The following CARM1 variants were observed in gnomAD, a reference collection of about 807,000 sequenced individuals.
The protein encoded by CARM1 is histone-arginine methyltransferase CARM1.
In CARM1, 14 loss-of-function variants were observed where a neutral mutation model predicts 72.7. The ratio of observed to expected loss-of-function variants is 0.19; its 90% CI spans 0.13 to 0.30. The LOEUF (loss-of-function observed/expected upper bound fraction) is 0.30, where lower values mean the gene tolerates loss of function less well. CARM1 is among the 10% of genes least tolerant of loss of function. The probability of loss-of-function intolerance (pLI) is 1.00; values close to 1 mark genes in which losing one functional copy is unlikely to be tolerated. For missense variants in CARM1, 432 were observed against 833.7 expected (o/e 0.52, Z 5.93); for synonymous variants, 333 against 345.5 (o/e 0.96, Z 0.40).
At chr19:10,886,786 G>A (rs867054030) in intron 1 of CARM1, among the ~76,000 whole-genome samples, 3 of 151,792 alleles carry the variant, frequency 2.0e-5, no homozygotes, top group Admixed American at 6.6e-5. Context: ...AGCCGAGGTC[G>A]CTCCACTGCA....
chr19:10,909,019 C>T, intron 3 of CARM1, 84 bp from the exon 4 acceptor site: 3 of 1,028,710 alleles, frequency 2.9e-6, no homozygotes, highest in Non-Finnish European at 4.5e-6. Context: ...CTAGATGGCC[C>T]CTTGCTCTAT....
intron 1 of CARM1, among the ~76,000 whole-genome samples, chr19:10,888,976 C>G (rs537646654): frequency 3.7e-4 from 57 of 152,318 alleles, no homozygotes; most frequent in African/African-American, 1.4e-3. Context: ...GCTTAGGGAC[C>G]AGACCTTAGA....
chr19:10,890,795 A>ATTTTTTTTTTTTTTT (rs67421012), intron 1 of CARM1, among the ~76,000 whole-genome samples: 3 of 47,460 alleles, frequency 6.3e-5, no homozygotes, highest in African/African-American at 2.2e-4. Flanking sequence ...ATATATATAT[A>ATTTTTTTTTTTTTTT]TTTTTTTTTT....
intron 1 of CARM1, among the ~76,000 whole-genome samples, chr19:10,899,994 C>T (rs939587402): frequency 2.0e-4 from 31 of 152,076 alleles, no homozygotes; most frequent in Non-Finnish European, 8.8e-5. Flanking sequence ...GAATTACAGG[C>T]GTGAGCCACC....
chr19:10,883,538 G>A (rs2146306462), intron 1 of CARM1, among the ~76,000 whole-genome samples: 1 of 152,296 alleles, frequency 6.6e-6, no homozygotes, highest in Non-Finnish European at 1.5e-5. Flanking sequence ...AAAGTCCACG[G>A]TGCCGGCCCT....
chr19:10,900,657 T>C (rs1413279292), intron 1 of CARM1, among the ~76,000 whole-genome samples: 1 of 152,108 alleles, frequency 6.6e-6, no homozygotes, highest in Admixed American at 6.6e-5. Flanking sequence ...CATACGAGTG[T>C]CTGTTGGTTT....
At position 10,909,084 on chromosome 19, in the gene CARM1, C is replaced by A; in HGVS notation, c.454-19C>A. The A allele has an allele frequency of 1.3e-6, 2 of 1,590,492 alleles. No homozygotes were observed. Among genetic ancestry groups the A allele is most frequent in the Non-Finnish European group, 1.7e-6 (2 of 1,159,360 alleles). ...CGTGCCACCATGTGCCCCGTGCCAT[C>A]GGTATGTCTCTGTTCCAGTTTTATG... On this transcript the variant is annotated intron_variant, in intron 3 of 15. Transcript: ENST00000327064.
intron 1 of CARM1, among the ~76,000 whole-genome samples, chr19:10,890,153 G>A (rs2073970902): frequency 6.6e-6 from 1 of 152,188 alleles, no homozygotes; most frequent in South Asian, 2.1e-4. Flanking sequence ...TCAGGTGGCT[G>A]AGGCAGGTGG....
intron 1 of CARM1, among the ~76,000 whole-genome samples, chr19:10,890,698 TACAC>T (rs970780664): frequency 5.4e-5 from 8 of 146,840 alleles, no homozygotes; most frequent in South Asian, 4.3e-4. Context: ...CACACATATA[TACAC>T]ACACATATAT....
intron 2 of CARM1, among the ~76,000 whole-genome samples, chr19:10,905,287 C>T (rs551769132): frequency 1.3e-5 from 2 of 152,352 alleles, no homozygotes; most frequent in African/African-American, 4.8e-5. Flanking sequence ...CCGGCTCCTC[C>T]GGGTCTTTTG....
intron 1 of CARM1, among the ~76,000 whole-genome samples, chr19:10,899,691 CGTCAGTTAGGAACA>C (rs1279351794): frequency 6.6e-6 from 1 of 151,544 alleles, no homozygotes; most frequent in Non-Finnish European, 1.5e-5. Context: ...TACCTGGACT[CGTCAGTTAGGAACA>C]GTTTTCTTTT....
At chr19:10,906,741 A>G (rs542899278) in intron 2 of CARM1, among the ~76,000 whole-genome samples, 4 of 152,256 alleles carry the variant, frequency 2.6e-5, no homozygotes, top group Non-Finnish European at 4.4e-5. Context: ...CTAGGATTAC[A>G]TGCGTGAGCA....
In CARM1 at chr19:10,921,873, T is replaced by C; in HGVS notation, c.*116T>C. ...AAGCTCGAACACCCGGTCACAGCTC[T>C]CTTTGCTATGGGAACTGGGACACTT... is the stretch of plus-strand genomic sequence containing the variant. On this transcript the variant is annotated 3_prime_UTR_variant, in exon 16 of 16. Transcript: ENST00000327064. 1 of 1,042,032 alleles carries C rather than the reference T, an allele frequency of 9.6e-7. No homozygotes were observed. Among genetic ancestry groups the C allele is most frequent in the African/African-American group, 1.6e-5 (1 of 61,780 alleles). 64.5% of individuals were successfully genotyped at this position (1,042,032 alleles called of 1,614,324 possible).
rs916545755 is a variant in CARM1, at chr19:10,921,883, G to A, written c.*126G>A. 3.0e-5 allele frequency: 29 copies of A among 953,506 alleles called. No homozygotes were observed. The highest frequency in any genetic ancestry group is 2.5e-4 in the Middle Eastern group (1 of 3,958). The allele number at this position is 953,506 out of a possible 1,614,324, so 59.1% of individuals were successfully genotyped here. A position where few individuals can be genotyped will look rare whatever the true frequency, so the allele number is the denominator to read the frequency against. ...ACCCGGTCACAGCTCTCTTTGCTAT[G>A]GGAACTGGGACACTTTTTTACACGA... is the stretch of plus-strand genomic sequence containing the variant. On this transcript the variant is annotated 3_prime_UTR_variant, in exon 16 of 16. Transcript: ENST00000327064.
At position 10,896,675 on chromosome 19, in the gene CARM1, CT is replaced by C. The variant is rs969397836; in HGVS notation, c.221-8275del. On this transcript the variant is annotated intron_variant, in intron 1 of 15. Coordinates refer to ENST00000327064, the MANE Select transcript of CARM1 (RefSeq NM_199141.2). The surrounding 1 kb of genome is among the most constrained non-coding windows in gnomAD (Gnocchi z 5.2). ...GCTCACCACACTGTCTGGGCCACCC[CT>C]GTTTCCCTGCGTTCCTGCACTCTTC... Among the ~76,000 whole-genome samples, 5 of 152,294 alleles carry C rather than the reference CT, an allele frequency of 3.3e-5. No individual in the cohort carries two copies. The highest frequency in any genetic ancestry group is 6.5e-5 in the Admixed American group (1 of 15,298).
rs1180477038 is a variant in CARM1 at position 10,890,274 on chromosome 19, T to TG, written c.221-14677_221-14676insG. Among the ~76,000 whole-genome samples the TG allele has an allele frequency of 2.3e-3, 345 of 150,696 alleles. 2 individuals carry two copies. The highest frequency in any genetic ancestry group is 7.7e-3 in the African/African-American group (318 of 41,270). On this transcript the variant is annotated intron_variant, in intron 1 of 15. Coordinates refer to ENST00000327064, the MANE Select transcript of CARM1 (RefSeq NM_199141.2). ...TTTTGTTTTTTGTTTTGTTTGTTTT[T>TG]TTTTTTTTTTGAGACAGAGTTTCGC...
At chr19:10,917,909 G>C (rs908455619) in intron 8 of CARM1, among the ~76,000 whole-genome samples, 1 of 151,742 alleles carries the variant, frequency 6.6e-6, no homozygotes, top group Non-Finnish European at 1.5e-5. Context: ...ATGGGGTTTC[G>C]CCATGTTGGC....
chr19:10,921,330 G>A lies in CARM1; in HGVS notation c.1616-45G>A, dbSNP rs201598798. ...GTGCATGGGCTGGGTGGCTGGGGGC[G>A]GTGACGCCGTCTCCCTTCCTTCTTT... is the stretch of plus-strand genomic sequence containing the variant. On this transcript the variant is annotated intron_variant, in intron 14 of 15. Transcript: ENST00000327064. 5.1e-5 allele frequency: 82 copies of A among 1,602,708 alleles called. No individual in the cohort carries two copies. In the Admixed American group the frequency reaches 1.0e-3, roughly 20 times the overall value.
At chr19:10,903,898 C>A (rs779170130) in intron 1 of CARM1, among the ~76,000 whole-genome samples, 7 of 152,180 alleles carry the variant, frequency 4.6e-5, no homozygotes, top group South Asian at 4.1e-4. Context: ...GAGATGGGGT[C>A]TTGCTATGCT....
Sources: gnomAD v4.1 joint callset for allele counts (sites outside exome capture counted in the v4.1 genomes callset) on GRCh38, gnomAD v4.1.1 for gene constraint, Gnocchi (gnomAD v3.1) non-coding constraint, MANE v1.5 for transcripts, NCBI Gene and HGNC (gene_info 2026-07-23, HGNC 2026-07-21) for gene names.